The following VPS39 variants were observed in gnomAD, a reference collection of about 807,000 sequenced individuals.
The protein encoded by VPS39 is vam6/Vps39-like protein.
A neutral mutation model predicts 121.0 loss-of-function variants in VPS39; 70 were observed. The observed-to-expected ratio is 0.58, with a 90% CI of 0.48 to 0.71. The LOEUF (loss-of-function observed/expected upper bound fraction) is 0.71. Ranked by LOEUF, VPS39 falls within the 30% of genes least tolerant of loss-of-function variation. VPS39 has a pLI of 0.00. For synonymous variants in VPS39, 378 were observed against 398.1 expected (o/e 0.95, Z 0.60); for missense variants, 818 against 1,051.5 (o/e 0.78, Z 3.07).
Position 42,162,142 on chromosome 15 carries a change from T to C in VPS39, c.2350A>G (p.Thr784Ala), listed in dbSNP as rs753262937. 6.2e-6 allele frequency: 10 copies of C among 1,614,140 alleles called. No homozygotes were observed. The highest frequency in any genetic ancestry group is 8.5e-6 in the Non-Finnish European group (10 of 1,180,032). Residue 784 changes from threonine (T) to alanine (A), a missense_variant, in exon 23 of 25, where the codon ACT becomes GCT. Physicochemically the swap from Thr to Ala is moderately conservative, Grantham distance 58 (BLOSUM62 0). Coordinates refer to ENST00000318006, the MANE Select transcript of VPS39 (RefSeq NM_015289.5). Reference sequence around the variant, plus strand: ...AAGATGCGTATGTCATTGATCTGAGTGTTTGCTGGCAGAAGGTTGAGGGCC... The same window carrying C: ...AAGATGCGTATGTCATTGATCTGAGCGTTTGCTGGCAGAAGGTTGAGGGCC... Reference protein sequence around the residue: ...TKALNLLPANTQINDIRIFLE... With the variant: ...TKALNLLPANAQINDIRIFLE...
chr15:42,191,639 A>G, intron 2 of VPS39, 79 bp from the exon 3 acceptor site: 1 of 1,206,836 alleles, frequency 8.3e-7, no homozygotes, highest in Non-Finnish European at 1.2e-6. Flanking sequence ...ATACTGCTCC[A>G]TACTGCTCTC....
At chr15:42,189,357 A>T in intron 4 of VPS39, 149 bp from the exon 5 acceptor site, 2 of 631,588 alleles carry the variant, frequency 3.2e-6, no homozygotes, top group South Asian at 3.5e-5. Flanking sequence ...CACTAGGATG[A>T]TTCATTCTCA....
intron 1 of VPS39, among the ~76,000 whole-genome samples, chr15:42,205,532 G>C (rs2050150628): frequency 6.6e-6 from 1 of 152,210 alleles, no homozygotes; most frequent in Non-Finnish European, 1.5e-5. Flanking sequence ...TGTGGGACTG[G>C]TACCAGAAAG....
chr15:42,162,892 C>T (rs888414441), intron 21 of VPS39, among the ~76,000 whole-genome samples: 2 of 152,158 alleles, frequency 1.3e-5, no homozygotes, highest in African/African-American at 4.8e-5. Context: ...AGTGCGCATT[C>T]GGGGCCAGAT....
chr15:42,169,509 T>C (rs1312475543), intron 12 of VPS39, among the ~76,000 whole-genome samples: 2 of 152,180 alleles, frequency 1.3e-5, no homozygotes, highest in Non-Finnish European at 2.9e-5. Flanking sequence ...AGGAATTGGG[T>C]GTGTTTATTT....
intron 2 of VPS39, among the ~76,000 whole-genome samples, chr15:42,192,631 A>G (rs1188129416): frequency 3.3e-5 from 5 of 152,204 alleles, no homozygotes; most frequent in African/African-American, 1.2e-4. Context: ...AGAGGGGATG[A>G]AGAAAGGGCC....
Position 42,161,742 on chromosome 15 carries a change from A to G in VPS39, c.2492T>C (p.Val831Ala). 1 of 1,614,098 alleles carries G rather than the reference A, an allele frequency of 6.2e-7. No individual in the cohort carries two copies. The highest frequency in any genetic ancestry group is 8.5e-7 in the Non-Finnish European group (1 of 1,180,016). ...CTTCTCCTCTGTGATGATGCACTTC[A>G]CCTGCTGGTGTAAAATCCGCTCTTC... ...VQEERILHQQ[V>A]KCIITEEKVC... The change falls in exon 24 of 25, where the codon GTG becomes GCG. Residue 831 changes from valine (V) to alanine (A), a missense_variant. Coordinates refer to ENST00000318006, the MANE Select transcript of VPS39 (RefSeq NM_015289.5).
At chr15:42,195,725 TG>T (rs2049922943) in intron 2 of VPS39, among the ~76,000 whole-genome samples, 1 of 152,136 alleles carries the variant, frequency 6.6e-6, no homozygotes, top group African/African-American at 2.4e-5. Flanking sequence ...AGAATCATAT[TG>T]TGAAAATGGC....
At chr15:42,192,002 G>C (rs1042900261) in intron 2 of VPS39, 5 of 1,494,086 alleles carry the variant, frequency 3.3e-6, no homozygotes, top group Non-Finnish European at 4.5e-6. Flanking sequence ...TCTGTATCAC[G>C]GAGACAGAGC....
rs558105357 is a variant in VPS39 at position 42,200,685 on chromosome 15, G to A, written c.74-724C>T. Among the ~76,000 whole-genome samples the A allele has an allele frequency of 3.3e-5, 5 of 152,274 alleles. No homozygotes were observed. The East Asian group carries it at 9.6e-4, about 29-fold the overall frequency. ...CTAAACAGAGTTACCCTGGGACCCA[G>A]CAATTCCACTCCTGGTTACACACCC... is the stretch of plus-strand genomic sequence containing the variant. On this transcript the variant is annotated intron_variant, in intron 1 of 24. Transcript: ENST00000318006.
chr15:42,163,310 G>A (rs1186474509), intron 21 of VPS39, 40 bp downstream of exon 21: 2 of 1,612,866 alleles, frequency 1.2e-6, no homozygotes, highest in East Asian at 4.5e-5. Flanking sequence ...AACGGGGAGA[G>A]GTATGCACAC....
chr15:42,161,722 C>A lies in VPS39; in HGVS notation c.2512G>T (p.Glu838Ter), dbSNP rs1439280479. Residue 838 changes from glutamate to a stop codon, truncating the protein, a stop_gained, in exon 24 of 25, where the codon GAG (glutamate) becomes TAG (stop). Transcript: ENST00000318006. LOFTEE classifies it high-confidence loss of function. Reference sequence around the variant, plus strand: ...TTCTTACACACCATGCACACCTTCTCCTCTGTGATGATGCACTTCACCTGC... The same window carrying A: ...TTCTTACACACCATGCACACCTTCTACTCTGTGATGATGCACTTCACCTGC... ...HQQVKCIITE[E>*]KVCMVCKKKI... The A allele has an allele frequency of 6.2e-7, 1 of 1,614,220 alleles. No individual in the cohort carries two copies. Among genetic ancestry groups the A allele is most frequent in the Non-Finnish European group, 8.5e-7 (1 of 1,180,040 alleles).
At chr15:42,167,576 G>A (rs2049270353) in intron 12 of VPS39, 39 bp from the exon 13 acceptor site, 2 of 1,604,650 alleles carry the variant, frequency 1.2e-6, no homozygotes, top group African/African-American at 1.3e-5. Context: ...CCAGGACTAA[G>A]TCTTCCTTTG....
At chr15:42,181,472 T>C (rs2049578857) in intron 8 of VPS39, among the ~76,000 whole-genome samples, 2 of 152,192 alleles carry the variant, frequency 1.3e-5, no homozygotes, top group Admixed American at 6.5e-5. Context: ...TGAAGATCTA[T>C]TGTACCACAA....
At chr15:42,200,983 CAGAGT>C (rs1323719669) in intron 1 of VPS39, among the ~76,000 whole-genome samples, 2 of 152,076 alleles carry the variant, frequency 1.3e-5, no homozygotes, top group African/African-American at 4.8e-5. Context: ...ATGAAATGTC[CAGAGT>C]AGGCAAATCC....
In VPS39 at chr15:42,191,150, C is replaced by T; in HGVS notation, c.222G>A (p.Gln74=). ...KKIQQIHVVS[Q]FKILVSLLEN... ...CTAACAAGCTGACCAGAATCTTAAA[C>T]TGGGAAACCACATGGATCTGGAAAA... is the stretch of plus-strand genomic sequence containing the variant. The change falls in exon 4 of 25, where the codon CAG becomes CAA. Residue 74 remains glutamine (Q), a synonymous_variant. Coordinates refer to ENST00000318006, the MANE Select transcript of VPS39 (RefSeq NM_015289.5). 6.2e-7 allele frequency: 1 copy of T among 1,614,146 alleles called. No homozygotes were observed. Among genetic ancestry groups the T allele is most frequent in the Non-Finnish European group, 8.5e-7 (1 of 1,180,004 alleles).
chr15:42,189,703 T>A (rs1288497845), intron 4 of VPS39, among the ~76,000 whole-genome samples: 1 of 103,696 alleles, frequency 9.6e-6, no homozygotes, highest in African/African-American at 3.8e-5. Flanking sequence ...CACTCCAGCC[T>A]GGGCGACAGA....
intron 8 of VPS39, among the ~76,000 whole-genome samples, chr15:42,183,535 T>C (rs1185030999): frequency 6.6e-6 from 1 of 152,226 alleles, no homozygotes; most frequent in East Asian, 1.9e-4. Context: ...AGTCAGGCTC[T>C]GTAATACCCT....
intron 2 of VPS39, 49 bp from the exon 3 acceptor site, chr15:42,191,609 GAAA>G: frequency 1.3e-6 from 2 of 1,522,412 alleles, no homozygotes; most frequent in Non-Finnish European, 1.8e-6. Flanking sequence ...GGGATACATA[GAAA>G]AACCACTACT....
Sources: allele counts gnomAD v4.1 joint callset (sites outside exome capture counted in the v4.1 genomes callset), GRCh38; gene constraint gnomAD v4.1.1; transcripts MANE v1.5; gene names NCBI Gene and HGNC (gene_info 2026-07-23, HGNC 2026-07-21).